The following CD36 variants were observed in gnomAD, a reference collection of about 807,000 sequenced individuals.
The protein encoded by CD36 is platelet glycoprotein 4.
A neutral mutation model predicts 55.2 loss-of-function variants in CD36; 119 were observed. The observed-to-expected ratio is 2.15, with a 90% CI of 1.86 to 2.51. CD36 has a LOEUF of 2.51. Ranked by LOEUF, CD36 falls within the 30% of genes most tolerant of loss-of-function variation. The pLI is 0.00. For synonymous variants in CD36, 186 were observed against 193.6 expected (o/e 0.96, Z 0.33); for missense variants, 819 against 555.5 (o/e 1.47, Z -4.77).
At chr7:80,639,923 A>G (rs1429760796) in intron 1 of CD36, 1 of 152,050 alleles carries the variant, frequency 6.6e-6, no homozygotes, top group Admixed American at 6.6e-5. Context: ...ATTAATTACA[A>G]CTGGAGGTAC....
At chr7:80,615,442 C>T (rs1421471531) in intron 1 of CD36, among the ~76,000 whole-genome samples, 1 of 152,162 alleles carries the variant, frequency 6.6e-6, no homozygotes, top group Non-Finnish European at 1.5e-5. Flanking sequence ...CATATCACTT[C>T]CTTTTTGCCT....
chr7:80,612,930 G>C (rs1405671736), intron 1 of CD36, among the ~76,000 whole-genome samples: 1 of 152,108 alleles, frequency 6.6e-6, no homozygotes, highest in Non-Finnish European at 1.5e-5. Context: ...AAAAAATCTA[G>C]TAAGTGATTC....
chr7:80,652,669 TTAAA>T (rs1323765698), intron 3 of CD36, among the ~76,000 whole-genome samples: 1 of 152,186 alleles, frequency 6.6e-6, no homozygotes. Context: ...ATTAAAATGA[TTAAA>T]TAACAGAAAA....
At chr7:80,660,112 T>C (rs1796406031) in intron 4 of CD36, among the ~76,000 whole-genome samples, 1 of 152,190 alleles carries the variant, frequency 6.6e-6, no homozygotes, top group South Asian at 2.1e-4. Context: ...GGCTATCTAC[T>C]CACTTCACAG....
intron 3 of CD36, among the ~76,000 whole-genome samples, chr7:80,648,357 A>G (rs1230313723): frequency 6.6e-6 from 1 of 152,116 alleles, no homozygotes; most frequent in Non-Finnish European, 1.5e-5. Context: ...AATCACAATA[A>G]TCTTCCAATG....
At chr7:80,648,618 A>G (rs987007407) in intron 3 of CD36, among the ~76,000 whole-genome samples, 36 of 152,112 alleles carry the variant, frequency 2.4e-4, no homozygotes, top group African/African-American at 8.7e-4. Context: ...AGAATAATAT[A>G]ATCTCATCTA....
At chr7:80,644,916 A>G (rs1288072858) in intron 1 of CD36, among the ~76,000 whole-genome samples, 1 of 152,180 alleles carries the variant, frequency 6.6e-6, no homozygotes, top group African/African-American at 2.4e-5. Context: ...TGTCATTGCA[A>G]CAACAAAGAA....
intron 6 of CD36, 32 bp downstream of exon 6, chr7:80,663,201 A>C (rs1796703321): frequency 6.5e-7 from 1 of 1,544,100 alleles, no homozygotes; most frequent in African/African-American, 1.4e-5. Context: ...CAATATTATT[A>C]CATTTTAATT....
intron 1 of CD36, among the ~76,000 whole-genome samples, chr7:80,606,288 T>C (rs1792546483): frequency 1.3e-5 from 2 of 151,942 alleles, no homozygotes; most frequent in African/African-American, 4.8e-5. Flanking sequence ...TTTTTTTTTG[T>C]ATTAAATTCT....
intron 7 of CD36, among the ~76,000 whole-genome samples, chr7:80,664,900 CTTT>C (rs903764047): frequency 6.8e-6 from 1 of 147,034 alleles, no homozygotes; most frequent in African/African-American, 2.5e-5. Context: ...TAGATGGAAA[CTTT>C]TTTTTTACTT....
chr7:80,604,770 A>G (rs1186918975), intron 1 of CD36, among the ~76,000 whole-genome samples: 1 of 152,018 alleles, frequency 6.6e-6, no homozygotes, highest in Admixed American at 6.6e-5. Flanking sequence ...TATTAGTTTC[A>G]TCTCTTCATT....
rs886062452 is a variant in CD36, at chr7:80,656,578, T to C, written c.159T>C (p.Asn53=). 2.4e-5 allele frequency: 38 copies of C among 1,613,600 alleles called. No individual in the cohort carries two copies. The highest frequency in any genetic ancestry group is 3.0e-5 in the Non-Finnish European group (35 of 1,179,768). ...VLEEGTIAFK[N]WVKTGTEVYR... ...AAGAAGGTACAATTGCTTTTAAAAA[T>C]TGGGTTAAAACAGGCACAGAAGTTT... Residue 53 remains asparagine, a synonymous_variant, in exon 4 of 15, where the codon AAT becomes AAC. Coordinates refer to ENST00000447544, the MANE Select transcript of CD36 (RefSeq NM_001001548.3).
intron 14 of CD36, among the ~76,000 whole-genome samples, chr7:80,675,284 A>G (rs1798114649): frequency 6.6e-6 from 1 of 152,140 alleles, no homozygotes. Context: ...ATGACTAAAC[A>G]AAGGTATTTG....
intron 1 of CD36, among the ~76,000 whole-genome samples, chr7:80,620,766 C>T (rs1584292178): frequency 6.6e-6 from 1 of 152,220 alleles, no homozygotes; most frequent in Middle Eastern, 3.4e-3. Flanking sequence ...GCCTGATATA[C>T]ATGATAACAA....
chr7:80,649,953 A>G (rs1049053394), intron 3 of CD36, among the ~76,000 whole-genome samples: 7 of 152,122 alleles, frequency 4.6e-5, no homozygotes, highest in Non-Finnish European at 1.0e-4. Flanking sequence ...AATTAAGAAA[A>G]TAATGATTAG....
At chr7:80,607,239 A>G (rs1792604633) in intron 1 of CD36, among the ~76,000 whole-genome samples, 1 of 151,946 alleles carries the variant, frequency 6.6e-6, no homozygotes, top group South Asian at 2.1e-4. Context: ...GAATAAATAA[A>G]AGCAACTGAA....
chr7:80,672,004 TGAA>T lies in CD36; in HGVS notation c.1096_1098del (p.Glu366del), dbSNP rs778101893. On this transcript the variant is annotated inframe_deletion, in exon 11 of 15. Transcript: ENST00000447544. ...AACCTATTGATGGATTAAACCCAAA[TGAA>T]GAAGAACATAGGACATACTTGGATA... The T allele has an allele frequency of 3.7e-5, 59 of 1,608,732 alleles. No homozygotes were observed. The highest frequency in any genetic ancestry group is 5.0e-5 in the Admixed American group (3 of 59,910).
At position 80,656,440 on chromosome 7, in the gene CD36, T is replaced by C. The variant is rs1584402039; in HGVS notation, c.121-100T>C. On this transcript the variant is annotated intron_variant, in intron 3 of 14. Transcript: ENST00000447544. ...TTCTCATGAATGAGGTACTTGGGCT[T>C]GGTCCTTTTATTCTGGCTGACTCAA... is the stretch of plus-strand genomic sequence containing the variant. 4.9e-6 allele frequency: 5 copies of C among 1,018,338 alleles called. No homozygotes were observed. In the East Asian group the frequency reaches 7.6e-5, roughly 15 times the overall value. The allele number at this position is 1,018,338 out of a possible 1,614,324, so 63.1% of individuals were successfully genotyped here.
At chr7:80,616,008 TCTTC>T in intron 1 of CD36, among the ~76,000 whole-genome samples, 6 of 152,212 alleles carry the variant, frequency 3.9e-5, no homozygotes, top group Non-Finnish European at 8.8e-5. Flanking sequence ...GATAACACTT[TCTTC>T]CTTTAAAGAA....
Sources: gnomAD v4.1 joint callset for allele counts (sites outside exome capture counted in the v4.1 genomes callset) on GRCh38, gnomAD v4.1.1 for gene constraint, MANE v1.5 for transcripts, NCBI Gene and HGNC (gene_info 2026-07-23, HGNC 2026-07-21) for gene names.